The following PNPLA7 variants were observed in gnomAD, a reference collection of about 807,000 sequenced individuals.
PNPLA7 encodes patatin like domain 7, lysophospholipase.
A neutral mutation model predicts 161.7 loss-of-function variants in PNPLA7; 153 were observed. That is an observed-to-expected ratio of 0.95 (90% CI 0.83 to 1.08). PNPLA7 has a LOEUF of 1.08. Ranked by LOEUF, PNPLA7 falls within the 50% of genes least tolerant of loss-of-function variation. The pLI is 0.00. For synonymous variants in PNPLA7, 809 were observed against 782.1 expected (o/e 1.03, Z -0.57); for missense variants, 1,739 against 1,856.6 (o/e 0.94, Z 1.16).
chr9:137,461,641 G>A (rs1197329063), intron 32 of PNPLA7, 21 bp from the exon 33 acceptor site: 1 of 1,578,310 alleles, frequency 6.3e-7, no homozygotes, highest in South Asian at 1.1e-5. Flanking sequence ...GGTGAGGACA[G>A]CACGTTGCCT....
intron 25 of PNPLA7, among the ~76,000 whole-genome samples, chr9:137,477,775 C>T (rs563924121): frequency 2.0e-5 from 3 of 152,334 alleles, no homozygotes; most frequent in East Asian, 1.9e-4. Context: ...ACAGTCAAAA[C>T]GAGATATGTC....
At position 137,533,129 on chromosome 9, in the gene PNPLA7, C is replaced by G. The variant is rs557728779; in HGVS notation, c.747+7513G>C. Among the ~76,000 whole-genome samples the G allele has an allele frequency of 4.0e-5, 6 of 151,508 alleles. No homozygotes were observed. The East Asian group carries it at 1.2e-3, about 30-fold the overall frequency. On this transcript the variant is annotated intron_variant, in intron 8 of 34. Coordinates refer to ENST00000406427, the MANE Select transcript of PNPLA7 (RefSeq NM_001098537.3). ...GACGGGAGCACCCCTAGACTCCTCC[C>G]CAACAGTGTCCACTCCAGGCGGGAG... is the stretch of plus-strand genomic sequence containing the variant.
In PNPLA7 at chr9:137,476,124, G is replaced by A. The variant is rs1350513920; in HGVS notation, c.2882+1910C>T. 2.6e-5 allele frequency among the ~76,000 whole-genome samples: 4 copies of A among 152,198 alleles called. 1 individual carries two copies. The highest frequency in any genetic ancestry group is 1.9e-4 in the East Asian group (1 of 5,196). On this transcript the variant is annotated intron_variant, in intron 25 of 34. Coordinates refer to ENST00000406427, the MANE Select transcript of PNPLA7 (RefSeq NM_001098537.3). The surrounding 1 kb of genome is among the most constrained non-coding windows in gnomAD (Gnocchi z 4.5). ...GTTAGAAAACAACCAGTAGAGATAC[G>A]AAGAGGCTAGAGGGCTTTCGGGAGG...
At chr9:137,514,098 G>A (rs924933284) in intron 12 of PNPLA7, among the ~76,000 whole-genome samples, 5 of 151,774 alleles carry the variant, frequency 3.3e-5, no homozygotes, top group Admixed American at 1.3e-4. Context: ...CCCTGTGGCC[G>A]GGCTGCGGGC....
chr9:137,538,113 C>G (rs1381570363), intron 8 of PNPLA7, among the ~76,000 whole-genome samples: 2 of 152,186 alleles, frequency 1.3e-5, no homozygotes, highest in Non-Finnish European at 2.9e-5. Flanking sequence ...TGGGACCCCA[C>G]TCTGCCCCAA....
At chr9:137,509,355 G>C (rs963071911) in intron 12 of PNPLA7, 1 of 171,936 alleles carries the variant, frequency 5.8e-6, no homozygotes, top group Admixed American at 6.1e-5. Context: ...TGGTACGAAT[G>C]AGTTTAGCTA....
chr9:137,516,963 C>T (rs1398726651), intron 11 of PNPLA7, among the ~76,000 whole-genome samples: 2 of 151,782 alleles, frequency 1.3e-5, no homozygotes, highest in Non-Finnish European at 2.9e-5. Context: ...TAACACCACT[C>T]TGCTCACTCC....
chr9:137,476,405 G>C lies in PNPLA7; in HGVS notation c.2882+1629C>G, dbSNP rs961258436. Among the ~76,000 whole-genome samples, 1 of 152,126 alleles carries C rather than the reference G, an allele frequency of 6.6e-6. No homozygotes were observed. The highest frequency in any genetic ancestry group is 2.4e-5 in the African/African-American group (1 of 41,408). On this transcript the variant is annotated intron_variant, in intron 25 of 34. Transcript: ENST00000406427. The surrounding 1 kb of genome is among the most constrained non-coding windows in gnomAD (Gnocchi z 4.5). ...CTAGTGATGGGACCACACTGGGATT[G>C]AGTGGAAAGGAGGGAGACAGATGCA...
intron 32 of PNPLA7, 83 bp downstream of exon 32, chr9:137,461,848 G>T: frequency 1.4e-6 from 2 of 1,400,472 alleles, no homozygotes; most frequent in Non-Finnish European, 9.5e-7. Context: ...GCTGGGCGTG[G>T]CCTGATGAAC....
In PNPLA7 at chr9:137,492,264, G is replaced by C. The variant is rs957644464; in HGVS notation, c.2197+749C>G. 14 of 985,194 alleles carry C rather than the reference G, an allele frequency of 1.4e-5. No individual in the cohort carries two copies. The Admixed American group carries it at 2.5e-4, about 17-fold the overall frequency. 61.0% of individuals were successfully genotyped at this position (985,194 alleles called of 1,614,324 possible). On this transcript the variant is annotated intron_variant, in intron 20 of 34. Coordinates refer to ENST00000406427, the MANE Select transcript of PNPLA7 (RefSeq NM_001098537.3). ...CTTTCCATGCTGAGCACAGGAGAGAGAGCACTCTCCGCTCCACCAATACCG... is the reference window on the plus strand; with the variant it reads ...CTTTCCATGCTGAGCACAGGAGAGACAGCACTCTCCGCTCCACCAATACCG...
chr9:137,510,087 G>A (rs926169636), intron 12 of PNPLA7, among the ~76,000 whole-genome samples: 2 of 152,188 alleles, frequency 1.3e-5, no homozygotes, highest in East Asian at 1.9e-4. Flanking sequence ...TTGGTCTAGC[G>A]GTGACGCCAG....
In PNPLA7 at chr9:137,505,592, G is replaced by A. The variant is rs776271658; in HGVS notation, c.1473+22C>T. 2.5e-6 allele frequency: 4 copies of A among 1,612,508 alleles called. No homozygotes were observed. The South Asian group carries it at 4.4e-5, about 18-fold the overall frequency. ...CGGGCCCTGGGTGGGACAAGGGCCA[G>A]GTGCCCGCCGGGGCCACTCACTTCC... On this transcript the variant is annotated intron_variant, in intron 14 of 34. Transcript: ENST00000406427.
intron 25 of PNPLA7, among the ~76,000 whole-genome samples, chr9:137,475,815 C>A (rs1831924649): frequency 6.6e-6 from 1 of 152,138 alleles, no homozygotes; most frequent in Non-Finnish European, 1.5e-5. Flanking sequence ...CCTTAAAATT[C>A]TCAGGGAAAT....
chr9:137,506,140 C>A, intron 12 of PNPLA7, 57 bp from the exon 13 acceptor site: 1 of 1,461,780 alleles, frequency 6.8e-7, no homozygotes, highest in Non-Finnish European at 9.4e-7. Context: ...CACAAACGTC[C>A]GCGGTGTGGG....
In PNPLA7 at chr9:137,480,923, C is replaced by T. The variant is rs144210498; in HGVS notation, c.2411+37G>A. On this transcript the variant is annotated intron_variant, in intron 22 of 34. Transcript: ENST00000406427. ...GACACATCTCAGGGCTGCGTTGGGC[C>T]GGCTGGGAGGAAGGAGTCGGGGCTG... 161 of 1,548,446 alleles carry T rather than the reference C, an allele frequency of 1.0e-4. 5 individuals carry two copies. The South Asian group carries it at 1.9e-3, about 18-fold the overall frequency.
intron 14 of PNPLA7, among the ~76,000 whole-genome samples, chr9:137,503,788 G>GAGAAGAAGAAAGA (rs1564324280): frequency 5.5e-3 from 12 of 2,200 alleles, no homozygotes; most frequent in Non-Finnish European, 9.6e-3. Flanking sequence ...AGAAAGAAGA[G>GAGAAGAAGAAAGA]AATGAAGAAG....
intron 19 of PNPLA7, 89 bp downstream of exon 19, chr9:137,494,944 G>A (rs1361793083): frequency 3.1e-5 from 38 of 1,208,910 alleles, no homozygotes; most frequent in Middle Eastern, 1.9e-4. Context: ...CCTGCTCTGT[G>A]CCCTCACCCG....
Position 137,479,238 on chromosome 9 carries a change from G to C in PNPLA7, c.2581C>G (p.Leu861Val). The C allele has an allele frequency of 6.5e-6, 10 of 1,530,178 alleles. No homozygotes were observed. In the South Asian group the frequency reaches 9.6e-5, roughly 15 times the overall value. The allele number at this position is 1,530,178 out of a possible 1,614,324, so 94.8% of individuals were successfully genotyped here. The change falls in exon 24 of 35, where the codon CTG becomes GTG. Residue 861 changes from leucine to valine, a missense_variant and splice_region_variant. Transcript: ENST00000406427. ...GCTGTGCTCTCCAGCATCCGCTCCA[G>C]CTGAAAGGCAGAGCCCACGTGTCTG... ...LGDQEPTVGE[L>V]ERMLESTAVR...
intron 8 of PNPLA7, among the ~76,000 whole-genome samples, chr9:137,534,669 G>A (rs867224230): frequency 1.3e-5 from 2 of 152,222 alleles, no homozygotes; most frequent in East Asian, 1.9e-4. Context: ...CCCTGTTAAC[G>A]AGCCCTGACC....
Sources: allele counts gnomAD v4.1 joint callset (sites outside exome capture counted in the v4.1 genomes callset), GRCh38; gene constraint gnomAD v4.1.1; non-coding constraint Gnocchi (gnomAD v3.1); transcripts MANE v1.5; gene names NCBI Gene and HGNC (gene_info 2026-07-23, HGNC 2026-07-21).